Variants in NFATC2 observed in about 807,000 individuals in gnomAD.
NFATC2 encodes the protein nuclear factor of activated T-cells, cytoplasmic 2.
NFATC2 carries 22 observed loss-of-function variants against 87.3 expected under a neutral mutation model. That is an observed-to-expected ratio of 0.25 (90% CI 0.18 to 0.36). The LOEUF (loss-of-function observed/expected upper bound fraction) is 0.36. Ranked by LOEUF, NFATC2 falls within the 10% of genes least tolerant of loss-of-function variation. NFATC2 has a pLI of 1.00. For missense variants in NFATC2, 1,149 were observed against 1,259.1 expected (o/e 0.91, Z 1.32); for synonymous variants, 565 against 542.2 (o/e 1.04, Z -0.58).
At chr20:51,444,275 C>A (rs961378844) in intron 6 of NFATC2, among the ~76,000 whole-genome samples, 6 of 151,968 alleles carry the variant, frequency 3.9e-5, no homozygotes, top group Non-Finnish European at 5.9e-5. Flanking sequence ...AGCCACCACG[C>A]CCACCTGACA....
In NFATC2 at chr20:51,465,928, A is replaced by G. The variant is rs79160510; in HGVS notation, c.1708+8052T>C. Among the ~76,000 whole-genome samples, 1,473 of 152,314 alleles carry G rather than the reference A, an allele frequency of 9.7e-3. 54 individuals are homozygous for G. In the East Asian group the frequency reaches 0.13, roughly 13 times the overall value. On this transcript the variant is annotated intron_variant, in intron 5 of 10. Transcript: ENST00000371564. The stretch of plus-strand genomic sequence containing the variant: ...GCCAAATGTATTTTAAGTTGAAAGA[A>G]TAAATATTGGGAAGCCCACGATAAT...
chr20:51,512,838 G>C (rs1012681365), intron 3 of NFATC2, among the ~76,000 whole-genome samples: 3 of 152,164 alleles, frequency 2.0e-5, no homozygotes, highest in African/African-American at 7.2e-5. Flanking sequence ...GAGATAAAGA[G>C]TGAGACAGAA....
chr20:51,451,837 C>T (rs922680088), intron 6 of NFATC2, among the ~76,000 whole-genome samples: 4 of 152,210 alleles, frequency 2.6e-5, no homozygotes, highest in African/African-American at 9.6e-5. Context: ...CGTCAACCCC[C>T]AGATGGGACT....
At chr20:51,538,391 GA>G (rs2076754815) in intron 1 of NFATC2, among the ~76,000 whole-genome samples, 2 of 151,954 alleles carry the variant, frequency 1.3e-5, no homozygotes, top group Admixed American at 1.3e-4. Context: ...ACTCTCGGGG[GA>G]AAAAAGAAAG....
chr20:51,407,248 G>T (rs569471991), intron 9 of NFATC2, among the ~76,000 whole-genome samples: 25 of 152,198 alleles, frequency 1.6e-4, no homozygotes, highest in Admixed American at 8.5e-4. Context: ...CGGCAAGCAG[G>T]CCTCCGTGCC....
intron 3 of NFATC2, among the ~76,000 whole-genome samples, chr20:51,488,928 C>T (rs1266471164): frequency 6.6e-6 from 1 of 152,228 alleles, no homozygotes; most frequent in Non-Finnish European, 1.5e-5. Context: ...GTGGCTCATG[C>T]CTGTAATCCC....
intron 3 of NFATC2, among the ~76,000 whole-genome samples, chr20:51,513,398 G>A (rs2076302323): frequency 6.6e-6 from 1 of 152,240 alleles, no homozygotes; most frequent in Admixed American, 6.5e-5. Flanking sequence ...AGGATCACTT[G>A]AGCTCAGAAA....
At chr20:51,477,669 T>C (rs915182708) in intron 3 of NFATC2, among the ~76,000 whole-genome samples, 6 of 150,468 alleles carry the variant, frequency 4.0e-5, no homozygotes, top group Non-Finnish European at 8.9e-5. Context: ...AGACAAATCA[T>C]TTAATCTTTC....
chr20:51,443,956 G>A (rs1984709268), intron 6 of NFATC2, among the ~76,000 whole-genome samples: 1 of 151,912 alleles, frequency 6.6e-6, no homozygotes, highest in Non-Finnish European at 1.5e-5. Flanking sequence ...GTGGGGGGAT[G>A]GCTAAAGTAA....
intron 6 of NFATC2, among the ~76,000 whole-genome samples, chr20:51,443,243 A>G (rs1252759070): frequency 6.6e-5 from 10 of 152,002 alleles, no homozygotes; most frequent in Non-Finnish European, 2.9e-5. Context: ...TTAGCTACCT[A>G]TTGGTTTGCT....
chr20:51,474,470 G>A (rs774902350), intron 4 of NFATC2, among the ~76,000 whole-genome samples: 44 of 152,190 alleles, frequency 2.9e-4, no homozygotes, highest in Non-Finnish European at 5.1e-4. Flanking sequence ...GTGAATCAAC[G>A]TGAAATCTCT....
rs776879413 is a variant in NFATC2, at chr20:51,540,653, TTTTTG to T, written c.130+1712_130+1716del. On this transcript the variant is annotated intron_variant, in intron 1 of 10. Transcript: ENST00000371564. ...AACTGTTCCAAAAACTGAAGTTTTT[TTTTTG>T]TTTTTTTTTTTTTGAGAAAACAGAT... Among the ~76,000 whole-genome samples the T allele has an allele frequency of 8.1e-4, 107 of 132,208 alleles. 4 individuals are homozygous for T. The highest frequency in any genetic ancestry group is 1.4e-3 in the African/African-American group (45 of 31,140). The allele number at this position is 132,208 out of a possible 152,430, so 86.7% of individuals were successfully genotyped here.
chr20:51,392,140 GTC>G (rs2146197816), intron 10 of NFATC2, among the ~76,000 whole-genome samples: 2 of 152,300 alleles, frequency 1.3e-5, no homozygotes, highest in South Asian at 4.1e-4. Flanking sequence ...ACATGATTAA[GTC>G]TGATAAAACA....
At chr20:51,497,162 A>G (rs551021297) in intron 3 of NFATC2, among the ~76,000 whole-genome samples, 1 of 152,290 alleles carries the variant, frequency 6.6e-6, no homozygotes, top group South Asian at 2.1e-4. Flanking sequence ...AGCTTCCCAA[A>G]GTCTAACTTC....
chr20:51,523,089 G>A lies in NFATC2; in HGVS notation c.1152C>T (p.Pro384=), dbSNP rs1409568635. The A allele has an allele frequency of 1.4e-5, 22 of 1,614,102 alleles. No individual in the cohort carries two copies. Among genetic ancestry groups the A allele is most frequent in the East Asian group, 2.2e-5 (1 of 44,896 alleles). Residue 384 remains proline (P), a synonymous_variant, in exon 2 of 11, where the codon CCC becomes CCT. Coordinates refer to ENST00000371564, the MANE Select transcript of NFATC2 (RefSeq NM_012340.5). The surrounding 1 kb of genome is among the most constrained non-coding windows in gnomAD (Gnocchi z 6.9). Reference sequence around the variant, plus strand: ...TTCAAAGCCCTGCTCACCTGCAGATGGGAATGGCAGGCACCAGCGGCTTGG... The same window carrying A: ...TTCAAAGCCCTGCTCACCTGCAGATAGGAATGGCAGGCACCAGCGGCTTGG... ...TWPKPLVPAI[P]ICSIPVTASL... is the part of the protein sequence containing the mutation.
chr20:51,388,877 T>C lies in NFATC2; in HGVS notation c.*2619A>G, dbSNP rs1986041793. 1.3e-5 allele frequency: 2 copies of C among 152,220 alleles called. No individual in the cohort carries two copies. The allele number at this position is 152,220 out of a possible 1,614,324, so 9.4% of individuals were successfully genotyped here. ...ATCTTTACCATTTAGACACCCCTAC[T>C]TTCTCATTCTCTTAGAGGATCTTAT... On this transcript the variant is annotated 3_prime_UTR_variant, in exon 11 of 11. Transcript: ENST00000371564.
intron 10 of NFATC2, among the ~76,000 whole-genome samples, chr20:51,397,406 G>GTGGAAC (rs1987329454): frequency 6.6e-6 from 1 of 152,166 alleles, no homozygotes; most frequent in Non-Finnish European, 1.5e-5. Context: ...AAGAGTGATG[G>GTGGAAC]TGGAACAGCA....
chr20:51,458,215 A>G (rs1361141188), intron 5 of NFATC2, among the ~76,000 whole-genome samples: 1 of 152,160 alleles, frequency 6.6e-6, no homozygotes, highest in Non-Finnish European at 1.5e-5. Context: ...CAACCTTGAC[A>G]CTATTGCCAT....
rs33936990 is a variant in NFATC2 at position 51,491,877 on chromosome 20, TACACAC to T, written c.1333-16223_1333-16218del. On this transcript the variant is annotated intron_variant, in intron 3 of 10. Transcript: ENST00000371564. Reference sequence around the variant, plus strand: ...ACCCCCACCAACACACACATACACATACACACACACACACACACACACACACACACA... The same window carrying T: ...ACCCCCACCAACACACACATACACATACACACACACACACACACACACACA... 4.4e-3 allele frequency among the ~76,000 whole-genome samples: 250 copies of T among 57,400 alleles called. 2 individuals carry two copies. Among genetic ancestry groups the T allele is most frequent in the South Asian group, 9.7e-3 (14 of 1,436 alleles). The allele number at this position is 57,400 out of a possible 152,430, so 37.7% of individuals were successfully genotyped here.
Sources: allele counts gnomAD v4.1 joint callset (sites outside exome capture counted in the v4.1 genomes callset), GRCh38; gene constraint gnomAD v4.1.1; non-coding constraint Gnocchi (gnomAD v3.1); transcripts MANE v1.5; gene names NCBI Gene and HGNC (gene_info 2026-07-23, HGNC 2026-07-21).